The following TNPO1 variants were observed in gnomAD, a reference collection of about 807,000 sequenced individuals.
TNPO1 encodes transportin 1, also known as transportin-1.
TNPO1 carries 8 observed loss-of-function variants against 119.5 expected under a neutral mutation model. The observed-to-expected ratio is 0.07, with a 90% CI of 0.04 to 0.12. The LOEUF is 0.12. TNPO1 is among the 10% of genes least tolerant of loss of function. The probability of loss-of-function intolerance (pLI) is 1.00; values close to 1 mark genes in which losing one functional copy is unlikely to be tolerated. For missense variants in TNPO1, 576 were observed against 1,089.8 expected, an observed-to-expected ratio of 0.53 and a Z score of 6.64; for synonymous variants, 362 against 363.0, an observed-to-expected ratio of 1.00 and a Z score of 0.03.
intron 2 of TNPO1, among the ~76,000 whole-genome samples, chr5:72,849,146 G>C (rs1210058486): frequency 6.6e-6 from 1 of 152,234 alleles, no homozygotes; most frequent in Non-Finnish European, 1.5e-5. Context: ...TGTCACCCAA[G>C]TGAGATTTTC....
chr5:72,849,098 C>T (rs193141806), intron 2 of TNPO1, among the ~76,000 whole-genome samples: 4 of 152,232 alleles, frequency 2.6e-5, no homozygotes, highest in Admixed American at 1.3e-4. Context: ...TGTGCCTCAC[C>T]CTGGGGTTAC....
chr5:72,879,885 C>G (rs1489819997), intron 9 of TNPO1, among the ~76,000 whole-genome samples: 10 of 152,082 alleles, frequency 6.6e-5, no homozygotes, highest in Admixed American at 6.6e-4. Context: ...AATATAAACT[C>G]ATTTAGAAAG....
At chr5:72,899,663 C>G (rs1365873273) in intron 20 of TNPO1, among the ~76,000 whole-genome samples, 1 of 152,040 alleles carries the variant, frequency 6.6e-6, no homozygotes, top group Non-Finnish European at 1.5e-5. Context: ...CTAAATTTGT[C>G]CATTTAACTG....
rs530761500 is a variant in TNPO1, at chr5:72,913,621, T to G, written c.*4948T>G. 1 of 152,644 alleles carries G rather than the reference T, an allele frequency of 6.6e-6. No individual in the cohort carries two copies. Among genetic ancestry groups the G allele is most frequent in the African/African-American group, 2.4e-5 (1 of 41,578 alleles). 9.5% of individuals were successfully genotyped at this position (152,644 alleles called of 1,614,324 possible). A position where few individuals can be genotyped will look rare whatever the true frequency, so the allele number is the denominator to read the frequency against. On this transcript the variant is annotated 3_prime_UTR_variant, in exon 25 of 25. Transcript: ENST00000337273. ...AGTTTTTGTTTATCTGCCATAGAATTTCCTTATACTGTGGCTTGGTATTAT... is the reference window on the plus strand; with the variant it reads ...AGTTTTTGTTTATCTGCCATAGAATGTCCTTATACTGTGGCTTGGTATTAT...
rs796715529 is a variant in TNPO1 at position 72,868,451 on chromosome 5, A to C, written c.596+2722A>C. Among the ~76,000 whole-genome samples, 475 of 148,816 alleles carry C rather than the reference A, an allele frequency of 3.2e-3. 6 individuals are homozygous for C. Among genetic ancestry groups the C allele is most frequent in the African/African-American group, 0.011 (461 of 40,964 alleles). On this transcript the variant is annotated intron_variant, in intron 6 of 24. Coordinates refer to ENST00000337273, the MANE Select transcript of TNPO1 (RefSeq NM_002270.4). ...CGTCTCAAAAAAAAAAAAAAAAAAA[A>C]AAAAAAAACACAAAATAATATATCA...
chr5:72,902,633 T>A lies in TNPO1; in HGVS notation c.2515-1076T>A, dbSNP rs1749877837. Among the ~76,000 whole-genome samples the A allele has an allele frequency of 4.6e-5, 7 of 152,154 alleles. No individual in the cohort carries two copies. The South Asian group carries it at 1.4e-3, about 31-fold the overall frequency. On this transcript the variant is annotated intron_variant, in intron 22 of 24. Coordinates refer to ENST00000337273, the MANE Select transcript of TNPO1 (RefSeq NM_002270.4). ...CGACCAAGATTTTATTGTTTCTTTG[T>A]TTTTGAATTAATGTTTTAAGATGAT...
chr5:72,886,983 G>A, intron 11 of TNPO1, 87 bp from the exon 12 acceptor site: 2 of 1,176,360 alleles, frequency 1.7e-6, no homozygotes, highest in South Asian at 4.4e-5. Flanking sequence ...CCGTATTAGA[G>A]ATACGAATAA....
At chr5:72,838,237 A>T (rs1744770076) in intron 1 of TNPO1, among the ~76,000 whole-genome samples, 1 of 152,232 alleles carries the variant, frequency 6.6e-6, no homozygotes, top group Non-Finnish European at 1.5e-5. Context: ...ATTATACTTA[A>T]TAAAGGATAG....
intron 11 of TNPO1, among the ~76,000 whole-genome samples, chr5:72,885,860 A>G (rs1281370895): frequency 6.6e-6 from 1 of 151,504 alleles, no homozygotes; most frequent in Non-Finnish European, 1.5e-5. Context: ...TTGTACTACT[A>G]TAACAGGATA....
chr5:72,862,037 A>G, intron 5 of TNPO1, 123 bp downstream of exon 5: 3 of 629,196 alleles, frequency 4.8e-6, no homozygotes, highest in East Asian at 5.7e-5. Context: ...TTAGAAACCT[A>G]AAGTTACCTT....
chr5:72,861,158 AC>A (rs1746415563), intron 4 of TNPO1, among the ~76,000 whole-genome samples: 2 of 151,842 alleles, frequency 1.3e-5, no homozygotes, highest in Admixed American at 6.6e-5. Context: ...TGATCCACCC[AC>A]CTCGGCCTCC....
intron 5 of TNPO1, among the ~76,000 whole-genome samples, chr5:72,863,071 TC>T (rs1186988882): frequency 6.6e-6 from 1 of 151,802 alleles, no homozygotes; most frequent in East Asian, 1.9e-4. Context: ...ACTGATTAGA[TC>T]ACTAGCATCC....
chr5:72,839,063 ATC>A, intron 1 of TNPO1, among the ~76,000 whole-genome samples: 1 of 152,244 alleles, frequency 6.6e-6, no homozygotes, highest in South Asian at 2.1e-4. Context: ...TTTTTCTTAA[ATC>A]TGTGTCACAG....
intron 6 of TNPO1, among the ~76,000 whole-genome samples, chr5:72,872,246 A>G (rs374625102): frequency 2.6e-4 from 39 of 152,294 alleles, no homozygotes; most frequent in African/African-American, 8.7e-4. Flanking sequence ...GAGCAATTGA[A>G]TTGCATATGC....
At chr5:72,857,551 T>C (rs1039468996) in intron 4 of TNPO1, among the ~76,000 whole-genome samples, 4 of 152,190 alleles carry the variant, frequency 2.6e-5, no homozygotes, top group Admixed American at 6.5e-5. Flanking sequence ...CTCTTGACAC[T>C]GTTAAAAAGA....
intron 9 of TNPO1, among the ~76,000 whole-genome samples, chr5:72,879,404 CTAATA>C (rs1748061718): frequency 6.6e-6 from 1 of 152,190 alleles, no homozygotes; most frequent in Admixed American, 6.5e-5. Flanking sequence ...TATTACTGCA[CTAATA>C]TAATCCAAAT....
At chr5:72,823,133 T>C (rs1744049136) in intron 1 of TNPO1, among the ~76,000 whole-genome samples, 3 of 152,122 alleles carry the variant, frequency 2.0e-5, no homozygotes, top group African/African-American at 7.2e-5. Flanking sequence ...CACTGTGCAG[T>C]TGTGGCTGTT....
chr5:72,880,346 C>T (rs536207892), intron 9 of TNPO1, among the ~76,000 whole-genome samples: 5 of 152,018 alleles, frequency 3.3e-5, no homozygotes, highest in African/African-American at 1.2e-4. Context: ...CTCTTGATTT[C>T]TCTCGTTTTT....
chr5:72,894,806 TAAG>T (rs2112467902), intron 18 of TNPO1, among the ~76,000 whole-genome samples: 1 of 152,366 alleles, frequency 6.6e-6, no homozygotes, highest in Admixed American at 6.5e-5. Flanking sequence ...TATGATATAT[TAAG>T]AACCATCAAG....
Sources: gnomAD v4.1 joint callset for allele counts (sites outside exome capture counted in the v4.1 genomes callset) on GRCh38, gnomAD v4.1.1 for gene constraint, MANE v1.5 for transcripts, NCBI Gene and HGNC (gene_info 2026-07-23, HGNC 2026-07-21) for gene names.